Variants in GTF3C3 observed in about 807,000 individuals in gnomAD.
GTF3C3 encodes general transcription factor 3C polypeptide 3.
A neutral mutation model predicts 105.2 loss-of-function variants in GTF3C3; 75 were observed. The ratio of observed to expected loss-of-function variants is 0.71; its 90% confidence interval spans 0.59 to 0.86. The LOEUF is 0.86. Among genes scored for constraint, GTF3C3 ranks in the 40% least tolerant of loss-of-function variants. The pLI, the probability that GTF3C3 is intolerant of heterozygous loss-of-function variation, is 0.00. For synonymous variants in GTF3C3, 335 were observed against 370.4 expected (o/e 0.90, Z 1.10); for missense variants, 856 against 1,076.5 (o/e 0.80, Z 2.87).
chr2:196,773,035 A>C lies in GTF3C3; in HGVS notation c.1950T>G (p.Asp650Glu), dbSNP rs753067101. ...AAAATGAGTAATATTCCAATGAGGA[A>C]TCTACAAGCAACTCAGCCTCTTGAA... ...SRFQEAELLVDSSLEYYSFYD... is the reference protein window; with the variant it reads ...SRFQEAELLVESSLEYYSFYD... The change falls in exon 14 of 18, where the codon GAT becomes GAG. Residue 650 changes from aspartate (D) to glutamate (E), a missense_variant. Around this residue, in one of 3 missense-constraint regions of GTF3C3, gnomAD observed 605 missense variants for 833.6 expected, o/e 0.73. Transcript: ENST00000263956. 4.3e-6 allele frequency: 7 copies of C among 1,611,732 alleles called. No individual in the cohort carries two copies. The highest frequency in any genetic ancestry group is 5.9e-6 in the Non-Finnish European group (7 of 1,177,970).
At chr2:196,766,763 A>T (rs1199303977) in intron 16 of GTF3C3, 46 bp from the exon 17 acceptor site, 1 of 1,467,586 alleles carries the variant, frequency 6.8e-7, no homozygotes, top group Non-Finnish European at 9.4e-7. Context: ...TGATTTGACA[A>T]TTATGTACTA....
chr2:196,792,724 C>G (rs1255062734), intron 3 of GTF3C3, among the ~76,000 whole-genome samples: 1 of 152,150 alleles, frequency 6.6e-6, no homozygotes, highest in Non-Finnish European at 1.5e-5. Context: ...CTCAGCTGAT[C>G]CTACCTCAGC....
chr2:196,780,720 CTATG>C, intron 8 of GTF3C3, 58 bp from the exon 9 acceptor site: 1 of 1,559,330 alleles, frequency 6.4e-7, no homozygotes, highest in East Asian at 2.3e-5. Context: ...TGTGTATCTT[CTATG>C]TAAGATCTCA....
At position 196,793,101 on chromosome 2, in the gene GTF3C3, A is replaced by C; in HGVS notation, c.266T>G (p.Met89Arg). 6.2e-7 allele frequency: 1 copy of C among 1,613,794 alleles called. No homozygotes were observed. Among genetic ancestry groups the C allele is most frequent in the Non-Finnish European group, 8.5e-7 (1 of 1,179,848 alleles). The change falls in exon 3 of 18, where the codon ATG becomes AGG. Residue 89 changes from methionine (M) to arginine (R), a missense_variant. By Grantham distance (91) the Met-to-Arg change is moderately conservative (BLOSUM62 -1). Around this residue, in one of 3 missense-constraint regions of GTF3C3, gnomAD observed 117 missense variants for 114.0 expected, o/e 1.03. Transcript: ENST00000263956. ...CTCATCATCTTCATTCTCTCCAAGC[A>C]TGGAAGCAAAGACCTTGTGAACTGA... is the stretch of plus-strand genomic sequence containing the variant. ...RKSVHKVFAS[M>R]LGENEDDEEE...
chr2:196,776,131 A>T lies in GTF3C3; in HGVS notation c.1594-20T>A. 2 of 1,225,224 alleles carry T rather than the reference A, an allele frequency of 1.6e-6. No homozygotes were observed. Among genetic ancestry groups the T allele is most frequent in the South Asian group, 1.3e-5 (1 of 75,682 alleles). The allele number at this position is 1,225,224 out of a possible 1,614,324, so 75.9% of individuals were successfully genotyped here. ...CAGTTCCTAAACAAATAAGCACATG[A>T]TGATGAGCCTAACAAGATTCCTTTT... On this transcript the variant is annotated intron_variant, in intron 11 of 17. Transcript: ENST00000263956. The surrounding 1 kb of genome is among the most constrained non-coding windows in gnomAD (Gnocchi z 4.5).
At chr2:196,799,282 A>T in intron 1 of GTF3C3, 1 of 493,960 alleles carries the variant, frequency 2.0e-6, no homozygotes, top group Non-Finnish European at 3.6e-6. Context: ...TATTGGGGGA[A>T]AAAGAAGAGG....
intron 17 of GTF3C3, 54 bp downstream of exon 17, chr2:196,766,511 C>T (rs1252599472): frequency 5.1e-6 from 7 of 1,383,428 alleles, no homozygotes; most frequent in Non-Finnish European, 6.0e-6. Context: ...AGCTAACTGC[C>T]CTTATCTACA....
intron 17 of GTF3C3, among the ~76,000 whole-genome samples, chr2:196,765,705 T>C (rs1415957075): frequency 1.3e-5 from 2 of 151,614 alleles, no homozygotes; most frequent in Non-Finnish European, 2.9e-5. Flanking sequence ...TTGTTTAAAC[T>C]GAACAGTAAT....
At chr2:196,791,025 A>C (rs909147880) in intron 4 of GTF3C3, among the ~76,000 whole-genome samples, 21 of 152,238 alleles carry the variant, frequency 1.4e-4, no homozygotes, top group Admixed American at 1.4e-3. Flanking sequence ...CTAGAAAAGA[A>C]AAGGAAAAAA....
In GTF3C3 at chr2:196,785,571, T is replaced by C. The variant is rs1576030499; in HGVS notation, c.911A>G (p.Asn304Ser). The C allele has an allele frequency of 2.5e-6, 4 of 1,606,680 alleles. No homozygotes were observed. Among genetic ancestry groups the C allele is most frequent in the Non-Finnish European group, 3.4e-6 (4 of 1,174,574 alleles). ...TATGTTAATAGCAGAAGTAACATCA[T>C]TGGCTTCATAGTAACTCCTAAAAAA... is the stretch of plus-strand genomic sequence containing the variant. ...RDMAKSYYEA[N>S]DVTSAINIID... is the part of the protein sequence containing the mutation. The change falls in exon 7 of 18, where the codon AAT becomes AGT. Residue 304 changes from asparagine to serine, a missense_variant. Coordinates refer to ENST00000263956, the MANE Select transcript of GTF3C3 (RefSeq NM_012086.5).
In GTF3C3 at chr2:196,773,030, G is replaced by A; in HGVS notation, c.1955C>T (p.Ser652Leu). Residue 652 changes from serine to leucine, a missense_variant, in exon 14 of 18, where the codon TCA becomes TTA. Ser to Leu is a moderately radical substitution (Grantham distance 145). Around this residue, in one of 3 missense-constraint regions of GTF3C3, gnomAD observed 605 missense variants for 833.6 expected, o/e 0.73. Transcript: ENST00000263956. ...FQEAELLVDS[S>L]LEYYSFYDDR... ...ATCATAAAATGAGTAATATTCCAAT[G>A]AGGAATCTACAAGCAACTCAGCCTC... The A allele has an allele frequency of 1.2e-6, 2 of 1,610,428 alleles. No homozygotes were observed. The highest frequency in any genetic ancestry group is 1.7e-6 in the Non-Finnish European group (2 of 1,176,734).
intron 1 of GTF3C3, among the ~76,000 whole-genome samples, chr2:196,798,456 G>T (rs1271757610): frequency 6.6e-6 from 1 of 151,948 alleles, no homozygotes; most frequent in East Asian, 1.9e-4. Flanking sequence ...TCCGGGAGGC[G>T]GAAGTTACAG....
chr2:196,768,110 T>TG (rs1307127109), intron 16 of GTF3C3, among the ~76,000 whole-genome samples: 4 of 152,112 alleles, frequency 2.6e-5, no homozygotes, highest in Admixed American at 2.6e-4. Flanking sequence ...CTCCACCTCC[T>TG]GGGTTCAAGC....
chr2:196,791,696 G>A, intron 3 of GTF3C3: 1 of 367,530 alleles, frequency 2.7e-6, no homozygotes, highest in South Asian at 3.5e-5. Context: ...AGCACTTTGG[G>A]AGGCTGAAGC....
At chr2:196,781,356 AAATATATATATATAT>A (rs1200717282) in intron 8 of GTF3C3, among the ~76,000 whole-genome samples, 9 of 54,490 alleles carry the variant, frequency 1.7e-4, no homozygotes, top group East Asian at 1.3e-3. Flanking sequence ...AAAAAAAAAA[AAATATATATATATAT>A]ATATATATAT....
rs911538648 is a variant in GTF3C3 at position 196,765,148 on chromosome 2, C to T, written c.2539-463G>A. ...TGGGAAAACAATTCCTATGCTATCA[C>T]GGAAAGGCATATAAAGTGTAGGTTT... On this transcript the variant is annotated intron_variant, in intron 17 of 17. Coordinates refer to ENST00000263956, the MANE Select transcript of GTF3C3 (RefSeq NM_012086.5). 4.6e-5 allele frequency among the ~76,000 whole-genome samples: 7 copies of T among 152,130 alleles called. No homozygotes were observed. The South Asian group carries it at 1.2e-3, about 27-fold the overall frequency.
At chr2:196,768,110 TG>T (rs1307127109) in intron 16 of GTF3C3, among the ~76,000 whole-genome samples, 4 of 152,112 alleles carry the variant, frequency 2.6e-5, no homozygotes, top group African/African-American at 4.8e-5. Context: ...CTCCACCTCC[TG>T]GGTTCAAGCG....
intron 7 of GTF3C3, 70 bp from the exon 8 acceptor site, chr2:196,784,999 TAC>T: frequency 9.8e-7 from 1 of 1,015,892 alleles, no homozygotes. Flanking sequence ...CAAAGATTTG[TAC>T]AGTTATTTCA....
chr2:196,778,490 T>C (rs1238925269), intron 10 of GTF3C3: 1 of 180,068 alleles, frequency 5.6e-6, no homozygotes, highest in Non-Finnish European at 1.2e-5. Context: ...AAACCCAATT[T>C]TGAGTATGTG....
Sources: gnomAD v4.1 joint callset for allele counts (sites outside exome capture counted in the v4.1 genomes callset) on GRCh38, gnomAD v4.1.1 for gene constraint, gnomAD v4.1.1 regional missense constraint, Gnocchi (gnomAD v3.1) non-coding constraint, MANE v1.5 for transcripts, NCBI Gene and HGNC (gene_info 2026-07-23, HGNC 2026-07-21) for gene names.